The following GRIK2 variants were observed in gnomAD, a reference collection of about 807,000 sequenced individuals.
The protein encoded by GRIK2 is glutamate ionotropic receptor kainate type subunit 2, also known as glutamate receptor ionotropic, kainate 2.
A neutral mutation model predicts 100.3 loss-of-function variants in GRIK2; 32 were observed. The observed-to-expected ratio is 0.32, with a 90% CI of 0.24 to 0.43. The LOEUF (loss-of-function observed/expected upper bound fraction) is 0.43. Among genes scored for constraint, GRIK2 ranks in the 20% least tolerant of loss-of-function variants. The pLI, the probability that GRIK2 is intolerant of heterozygous loss-of-function variation, is 1.00. For missense variants in GRIK2, 843 were observed against 1,114.9 expected, an observed-to-expected ratio of 0.76 and a Z score of 3.47; for synonymous variants, 417 against 389.4, an observed-to-expected ratio of 1.07 and a Z score of -0.83.
In GRIK2 at chr6:101,732,066, A is replaced by G. The variant is rs896318004; in HGVS notation, c.951+45713A>G. ...AAATCCTAAACACAAAAATTATTAT[A>G]TAATACATTTGTCAGTTCTTTGTGT... is the stretch of plus-strand genomic sequence containing the variant. On this transcript the variant is annotated intron_variant, in intron 7 of 16. Coordinates refer to ENST00000369134, the MANE Select transcript of GRIK2 (RefSeq NM_021956.5). Among the ~76,000 whole-genome samples, 7 of 152,222 alleles carry G rather than the reference A, an allele frequency of 4.6e-5. 1 individual carries two copies. In the East Asian group the frequency reaches 1.4e-3, roughly 29 times the overall value.
chr6:101,975,068 A>C (rs1793283476), intron 14 of GRIK2, among the ~76,000 whole-genome samples: 1 of 152,010 alleles, frequency 6.6e-6, no homozygotes, highest in Admixed American at 6.6e-5. Context: ...TATAGGAAGC[A>C]CAAAAAAAGG....
intron 2 of GRIK2, among the ~76,000 whole-genome samples, chr6:101,409,032 C>T (rs1207027106): frequency 1.3e-5 from 2 of 151,590 alleles, no homozygotes; most frequent in African/African-American, 4.8e-5. Context: ...TTGAGGGATA[C>T]AGTAAATTGC....
intron 4 of GRIK2, among the ~76,000 whole-genome samples, chr6:101,659,349 C>T (rs1411559194): frequency 6.6e-6 from 1 of 152,070 alleles, no homozygotes; most frequent in Non-Finnish European, 1.5e-5. Flanking sequence ...TCTGAGGCCT[C>T]GTTCTGTTCC....
At chr6:102,045,797 TTAAAA>T (rs1310995729) in intron 15 of GRIK2, among the ~76,000 whole-genome samples, 1 of 151,978 alleles carries the variant, frequency 6.6e-6, no homozygotes, top group Non-Finnish European at 1.5e-5. Flanking sequence ...GAAATGCAAA[TTAAAA>T]TAATGCTTTA....
At chr6:101,858,376 A>ATTTTTTTTTTTTTTTTTTTTTTT (rs66505184) in intron 10 of GRIK2, among the ~76,000 whole-genome samples, 1 of 125,468 alleles carries the variant, frequency 8.0e-6, no homozygotes. Context: ...CTCTCTCTCT[A>ATTTTTTTTTTTTTTTTTTTTTTT]TTTTTTTTTC....
At chr6:101,444,861 C>A (rs955203428) in intron 2 of GRIK2, among the ~76,000 whole-genome samples, 1 of 152,042 alleles carries the variant, frequency 6.6e-6, no homozygotes, top group African/African-American at 2.4e-5. Flanking sequence ...CTTATCTTTG[C>A]CAGTTCTTTT....
At chr6:101,887,238 A>T (rs1197894767) in intron 11 of GRIK2, among the ~76,000 whole-genome samples, 4 of 152,150 alleles carry the variant, frequency 2.6e-5, no homozygotes, top group Non-Finnish European at 4.4e-5. Context: ...GCATATGTTA[A>T]TTAGCTAGAC....
intron 16 of GRIK2, chr6:102,064,128 A>T: frequency 1.4e-6 from 1 of 696,388 alleles, no homozygotes; most frequent in Non-Finnish European, 2.5e-6. Context: ...TGTTGTTTTC[A>T]TCCTAAGGAA....
At chr6:101,479,187 A>G (rs144894585) in intron 2 of GRIK2, among the ~76,000 whole-genome samples, 68 of 152,314 alleles carry the variant, frequency 4.5e-4, no homozygotes, top group African/African-American at 1.6e-3. Flanking sequence ...TACAGTCACT[A>G]ATCTCATTTC....
At chr6:101,402,802 G>A (rs1263102125) in intron 2 of GRIK2, among the ~76,000 whole-genome samples, 1 of 152,288 alleles carries the variant, frequency 6.6e-6, no homozygotes, top group South Asian at 2.1e-4. Context: ...GCGGGCACAG[G>A]GCATCCAGCG....
chr6:101,565,521 A>G (rs1041009436), intron 2 of GRIK2, among the ~76,000 whole-genome samples: 2 of 152,132 alleles, frequency 1.3e-5, no homozygotes, highest in East Asian at 3.9e-4. Context: ...GGTGATGTAA[A>G]TGTATTCACT....
intron 2 of GRIK2, among the ~76,000 whole-genome samples, chr6:101,584,986 G>A (rs1439894083): frequency 2.0e-5 from 3 of 151,908 alleles, no homozygotes; most frequent in Non-Finnish European, 4.4e-5. Context: ...TAGTAAACCA[G>A]CATTTCTCAT....
intron 2 of GRIK2, among the ~76,000 whole-genome samples, chr6:101,598,592 TAAAAAAAA>T (rs75603851): frequency 2.4e-5 from 2 of 82,394 alleles, no homozygotes; most frequent in African/African-American, 5.1e-5. Context: ...TCTTCCTTAA[TAAAAAAAA>T]AAAAAAAAAA....
intron 4 of GRIK2, among the ~76,000 whole-genome samples, chr6:101,669,001 T>TA (rs565269527): frequency 3.5e-4 from 53 of 151,156 alleles, no homozygotes; most frequent in Middle Eastern, 3.4e-3. Context: ...AGAAAAAGGT[T>TA]AAAAAAAAAT....
chr6:101,611,351 T>C (rs1232586514), intron 2 of GRIK2, among the ~76,000 whole-genome samples: 1 of 151,808 alleles, frequency 6.6e-6, no homozygotes, highest in African/African-American at 2.4e-5. Flanking sequence ...CCAGGACAAG[T>C]CTGAGAATAT....
intron 14 of GRIK2, among the ~76,000 whole-genome samples, chr6:101,942,610 A>T (rs1485983546): frequency 6.6e-6 from 1 of 152,202 alleles, no homozygotes; most frequent in Non-Finnish European, 1.5e-5. Context: ...TTTAGAAAAG[A>T]GACTGGTGGC....
At chr6:102,068,244 G>A in intron 16 of GRIK2, 103 bp from the exon 17 acceptor site, 1 of 791,018 alleles carries the variant, frequency 1.3e-6, no homozygotes, top group South Asian at 2.1e-5. Flanking sequence ...AAACCTTCAA[G>A]GATGTTATGT....
chr6:101,844,664 A>G (rs1377001232), intron 10 of GRIK2, among the ~76,000 whole-genome samples: 1 of 152,234 alleles, frequency 6.6e-6, no homozygotes, highest in Non-Finnish European at 1.5e-5. Flanking sequence ...ACATAATGTA[A>G]GAGTATGGCA....
chr6:101,821,704 C>T (rs1258253592), intron 10 of GRIK2, among the ~76,000 whole-genome samples: 3 of 151,966 alleles, frequency 2.0e-5, no homozygotes, highest in African/African-American at 7.3e-5. Context: ...TATCCATAGT[C>T]AAGTAAAGAA....
Sources: allele counts gnomAD v4.1 joint callset (sites outside exome capture counted in the v4.1 genomes callset), GRCh38; gene constraint gnomAD v4.1.1; transcripts MANE v1.5; gene names NCBI Gene and HGNC (gene_info 2026-07-23, HGNC 2026-07-21).